Variants in RAB6A observed in about 807,000 individuals in gnomAD.
RAB6A encodes the protein ras-related protein Rab-6A.
RAB6A carries 8 observed loss-of-function variants against 32.3 expected under a neutral mutation model. The observed-to-expected ratio is 0.25, with a 90% CI of 0.15 to 0.45. The LOEUF (loss-of-function observed/expected upper bound fraction) is 0.45. RAB6A is among the 20% of genes least tolerant of loss of function. The pLI is 1.00. For missense variants in RAB6A, 104 were observed against 249.4 expected, an observed-to-expected ratio of 0.42 and a Z score of 3.93; for synonymous variants, 73 against 82.1, an observed-to-expected ratio of 0.89 and a Z score of 0.60.
rs574247885 is a variant in RAB6A at position 73,741,835 on chromosome 11, AATTTTTTAAG to A, written c.71-11022_71-11013del. 2.6e-4 allele frequency among the ~76,000 whole-genome samples: 40 copies of A among 152,352 alleles called. No homozygotes were observed. In the East Asian group the frequency reaches 6.7e-3, roughly 26 times the overall value. On this transcript the variant is annotated intron_variant, in intron 1 of 7. Coordinates refer to ENST00000336083, the MANE Select transcript of RAB6A (RefSeq NM_198896.2). ...AAAAAATTAAAACAAAATGAAATGA[AATTTTTTAAG>A]ATTTAATTTTTTAGATCAGTTTTAG...
chr11:73,731,684 TTATATATATATATA>T (rs1157961323), intron 1 of RAB6A, among the ~76,000 whole-genome samples: 188 of 14,504 alleles, frequency 0.013, 3 homozygotes, highest in African/African-American at 0.033. Context: ...TAGATAGATA[TTATATATATATATA>T]TATATATATA....
intron 6 of RAB6A, among the ~76,000 whole-genome samples, chr11:73,681,065 G>A (rs1945349205): frequency 6.6e-6 from 1 of 152,170 alleles, no homozygotes; most frequent in South Asian, 2.1e-4. Flanking sequence ...AGCACACAGT[G>A]TAAACCCATA....
chr11:73,754,837 G>A (rs778623285), intron 1 of RAB6A, among the ~76,000 whole-genome samples: 3 of 151,652 alleles, frequency 2.0e-5, no homozygotes, highest in East Asian at 1.9e-4. Context: ...TGAGAATCGC[G>A]AACCCGGGAG....
intron 6 of RAB6A, among the ~76,000 whole-genome samples, chr11:73,706,572 A>G (rs559604079): frequency 6.6e-6 from 1 of 151,964 alleles, no homozygotes; most frequent in Non-Finnish European, 1.5e-5. Flanking sequence ...ACTACCCTAC[A>G]TGATATACAG....
chr11:73,738,278 G>A (rs566877257), intron 1 of RAB6A, among the ~76,000 whole-genome samples: 26 of 152,174 alleles, frequency 1.7e-4, no homozygotes, highest in Admixed American at 3.3e-4. Flanking sequence ...AAAGTACCAG[G>A]ATTATGGTCG....
At chr11:73,719,937 A>T (rs1427456283) in intron 3 of RAB6A, among the ~76,000 whole-genome samples, 1 of 151,820 alleles carries the variant, frequency 6.6e-6, no homozygotes, top group Non-Finnish European at 1.5e-5. Context: ...TTAAGAAATG[A>T]CATGCTATAT....
At chr11:73,736,040 C>T (rs1173935613) in intron 1 of RAB6A, among the ~76,000 whole-genome samples, 1 of 151,384 alleles carries the variant, frequency 6.6e-6, no homozygotes, top group Admixed American at 6.6e-5. Flanking sequence ...CTCACCATGG[C>T]CTCAACCTCC....
At chr11:73,693,513 G>T (rs867788333) in intron 6 of RAB6A, among the ~76,000 whole-genome samples, 1 of 147,332 alleles carries the variant, frequency 6.8e-6, no homozygotes, top group Non-Finnish European at 1.5e-5. Flanking sequence ...CACTTGGAGT[G>T]TAGGAGTTTG....
At chr11:73,722,489 A>G (rs1433539725) in intron 2 of RAB6A, 1 of 150,614 alleles carries the variant, frequency 6.6e-6, no homozygotes, top group Non-Finnish European at 1.5e-5. Context: ...GCATGCCACC[A>G]TGCCCCACTA....
intron 1 of RAB6A, among the ~76,000 whole-genome samples, chr11:73,758,235 A>G (rs1449533869): frequency 6.6e-6 from 1 of 152,240 alleles, no homozygotes; most frequent in Non-Finnish European, 1.5e-5. Flanking sequence ...CAATATAGTA[A>G]CCTCAAAAGA....
At chr11:73,681,969 T>G (rs1442313256) in intron 6 of RAB6A, among the ~76,000 whole-genome samples, 3 of 152,202 alleles carry the variant, frequency 2.0e-5, no homozygotes, top group Non-Finnish European at 4.4e-5. Flanking sequence ...GTACCAAAAT[T>G]AGGCTTTACC....
intron 6 of RAB6A, among the ~76,000 whole-genome samples, chr11:73,707,218 T>G (rs1427699858): frequency 6.6e-6 from 1 of 152,116 alleles, no homozygotes; most frequent in African/African-American, 2.4e-5. Flanking sequence ...TTTGCAGTAG[T>G]TCTATCCACG....
intron 5 of RAB6A, among the ~76,000 whole-genome samples, chr11:73,713,565 CAAAA>C (rs61588604): frequency 4.8e-5 from 6 of 124,760 alleles, no homozygotes; most frequent in Non-Finnish European, 5.1e-5. Context: ...GACTCCGTCT[CAAAA>C]AAAAAAAAAA....
At chr11:73,696,158 A>G (rs1325331628) in intron 6 of RAB6A, among the ~76,000 whole-genome samples, 1 of 152,052 alleles carries the variant, frequency 6.6e-6, no homozygotes, top group Non-Finnish European at 1.5e-5. Flanking sequence ...TACATAACTG[A>G]ATTCTTAGAT....
At chr11:73,738,018 CAT>C (rs1470915136) in intron 1 of RAB6A, among the ~76,000 whole-genome samples, 1 of 143,298 alleles carries the variant, frequency 7.0e-6, no homozygotes, top group Admixed American at 7.0e-5. Context: ...AAAAAGACCA[CAT>C]GTTATTAATA....
intron 2 of RAB6A, among the ~76,000 whole-genome samples, chr11:73,725,689 G>C (rs1590866762): frequency 6.6e-6 from 1 of 152,050 alleles, no homozygotes. Flanking sequence ...TCTTCCACTG[G>C]ATCTCTCCCA....
chr11:73,720,203 G>A (rs1264414818), intron 3 of RAB6A, among the ~76,000 whole-genome samples: 7 of 117,490 alleles, frequency 6.0e-5, no homozygotes, highest in African/African-American at 1.5e-4. Flanking sequence ...TTTTTGCAAC[G>A]GAGTTTCGCT....
chr11:73,725,279 T>C (rs1223094849), intron 2 of RAB6A, among the ~76,000 whole-genome samples: 1 of 152,212 alleles, frequency 6.6e-6, no homozygotes, highest in African/African-American at 2.4e-5. Flanking sequence ...CTCCAAAAAG[T>C]GCTTGGTAAA....
chr11:73,730,475 C>T, intron 2 of RAB6A: 1 of 268,108 alleles, frequency 3.7e-6, no homozygotes, highest in Non-Finnish European at 6.9e-6. Flanking sequence ...TCACAGAATC[C>T]TAGGCTTGGA....
Sources: allele counts gnomAD v4.1 joint callset (sites outside exome capture counted in the v4.1 genomes callset), GRCh38; gene constraint gnomAD v4.1.1; transcripts MANE v1.5; gene names NCBI Gene and HGNC (gene_info 2026-07-23, HGNC 2026-07-21).